Variants in KLHL29 observed in about 807,000 individuals in gnomAD.
KLHL29 encodes kelch like family member 29.
In KLHL29, 21 loss-of-function variants were observed where a neutral mutation model predicts 80.4. The ratio of observed to expected loss-of-function variants is 0.26; its 90% CI spans 0.19 to 0.38. KLHL29 has a LOEUF of 0.38. Ranked by LOEUF, KLHL29 falls within the 10% of genes least tolerant of loss-of-function variation. The pLI, the probability that KLHL29 is intolerant of heterozygous loss-of-function variation, is 1.00. For synonymous variants in KLHL29, 511 were observed against 526.8 expected (o/e 0.97, Z 0.41); for missense variants, 867 against 1,223.9 (o/e 0.71, Z 4.35).
intron 5 of KLHL29, among the ~76,000 whole-genome samples, chr2:23,651,145 A>G (rs1670077241): frequency 6.6e-6 from 1 of 152,230 alleles, no homozygotes; most frequent in African/African-American, 2.4e-5. Flanking sequence ...GTCGCCATCC[A>G]TTGAAATCGT....
chr2:23,494,618 T>C (rs1282884709), intron 2 of KLHL29, among the ~76,000 whole-genome samples: 1 of 152,138 alleles, frequency 6.6e-6, no homozygotes, highest in Admixed American at 6.5e-5. Flanking sequence ...TGCCGAAGCC[T>C]CTCTGGAGAG....
At chr2:23,706,334 G>A in intron 13 of KLHL29, 147 bp from the exon 14 acceptor site, 2 of 569,638 alleles carry the variant, frequency 3.5e-6, no homozygotes, top group Admixed American at 4.2e-5. Context: ...GCCAGCCCAG[G>A]TTAGAGGGCA....
At chr2:23,500,041 A>G (rs144049223) in intron 2 of KLHL29, among the ~76,000 whole-genome samples, 1 of 152,288 alleles carries the variant, frequency 6.6e-6, no homozygotes, top group East Asian at 1.9e-4. Context: ...ATTGGTACCA[A>G]CTGTACAGCA....
At chr2:23,621,614 A>G (rs958532923) in intron 3 of KLHL29, among the ~76,000 whole-genome samples, 2 of 152,144 alleles carry the variant, frequency 1.3e-5, no homozygotes, top group African/African-American at 4.8e-5. Flanking sequence ...CCCCCCAGAC[A>G]GGAAATGCAG....
intron 1 of KLHL29, among the ~76,000 whole-genome samples, chr2:23,388,032 T>C (rs1050222448): frequency 6.6e-6 from 1 of 152,184 alleles, no homozygotes; most frequent in African/African-American, 2.4e-5. Flanking sequence ...CCAAACGAAA[T>C]ACCTAGAGTT....
chr2:23,596,944 C>T lies in KLHL29; in HGVS notation c.285+34463C>T, dbSNP rs1668407671. 6.6e-6 allele frequency among the ~76,000 whole-genome samples: 1 copy of T among 152,106 alleles called. No homozygotes were observed. Among genetic ancestry groups the T allele is most frequent in the African/African-American group, 2.4e-5 (1 of 41,432 alleles). ...GGGGATACAGGAAAGCTCAGGGCTGCGTTTAGAATCAAATAGAGCTAATGG... is the reference window on the plus strand; with the variant it reads ...GGGGATACAGGAAAGCTCAGGGCTGTGTTTAGAATCAAATAGAGCTAATGG... On this transcript the variant is annotated intron_variant, in intron 3 of 13. Transcript: ENST00000486442. The surrounding 1 kb of genome is among the most constrained non-coding windows in gnomAD (Gnocchi z 4.4).
At chr2:23,677,469 CT>C (rs1479499245) in intron 5 of KLHL29, among the ~76,000 whole-genome samples, 4 of 152,350 alleles carry the variant, frequency 2.6e-5, no homozygotes, top group African/African-American at 9.6e-5. Flanking sequence ...GAGGGTTTGC[CT>C]GCATAGGGCC....
At chr2:23,474,828 T>C (rs1418460926) in intron 1 of KLHL29, among the ~76,000 whole-genome samples, 1 of 152,150 alleles carries the variant, frequency 6.6e-6, no homozygotes, top group Non-Finnish European at 1.5e-5. Context: ...TAATGATATA[T>C]TTGGTTTAAA....
At chr2:23,698,908 G>A (rs1572526693) in intron 11 of KLHL29, among the ~76,000 whole-genome samples, 1 of 152,306 alleles carries the variant, frequency 6.6e-6, no homozygotes, top group South Asian at 2.1e-4. Flanking sequence ...AAAGACTGAG[G>A]ACTAACAGCC....
At chr2:23,638,498 G>A (rs1669678969) in intron 3 of KLHL29, among the ~76,000 whole-genome samples, 1 of 152,178 alleles carries the variant, frequency 6.6e-6, no homozygotes, top group East Asian at 1.9e-4. Context: ...AGGAGCTGAG[G>A]GTCCCACCAT....
chr2:23,543,956 G>A (rs1466055098), intron 2 of KLHL29, among the ~76,000 whole-genome samples: 1 of 152,196 alleles, frequency 6.6e-6, no homozygotes, highest in Non-Finnish European at 1.5e-5. Context: ...AGGGCTCTGG[G>A]TCGGGGCTTG....
rs191014771 is a variant in KLHL29, at chr2:23,450,074, G to C, written c.-153-25486G>C. 4.6e-4 allele frequency among the ~76,000 whole-genome samples: 70 copies of C among 152,244 alleles called. 1 individual carries two copies. The highest frequency in any genetic ancestry group is 1.6e-3 in the African/African-American group (68 of 41,544). On this transcript the variant is annotated intron_variant, in intron 1 of 13. Coordinates refer to ENST00000486442, the MANE Select transcript of KLHL29 (RefSeq NM_052920.2). The stretch of plus-strand genomic sequence containing the variant: ...GACATCTCAAGCGGCAAGCTCGATC[G>C]CCAATTAAAAAGCTCATGTCCTCAA...
intron 2 of KLHL29, among the ~76,000 whole-genome samples, chr2:23,505,591 C>T (rs959592388): frequency 2.0e-5 from 3 of 152,250 alleles, no homozygotes; most frequent in Admixed American, 1.3e-4. Flanking sequence ...TCCCAACAGC[C>T]TCTCAAAGCC....
chr2:23,615,074 C>T (rs1199949392), intron 3 of KLHL29, among the ~76,000 whole-genome samples: 7 of 152,192 alleles, frequency 4.6e-5, no homozygotes, highest in African/African-American at 1.7e-4. Flanking sequence ...CACAGCTCGG[C>T]GCTTCTTCCA....
rs368380511 is a variant in KLHL29, at chr2:23,642,453, G to A, written c.543G>A (p.Pro181=). ...GCCCGGCTGTGAACGTCCAGGCCCC[G>A]GTCATTGGGGTGACCCCCTCACTGC... is the stretch of plus-strand genomic sequence containing the variant. ...TFSPAVNVQA[P]VIGVTPSLPP... Residue 181 remains proline (P), a synonymous_variant, in exon 5 of 14, where the codon CCG becomes CCA. Coordinates refer to ENST00000486442, the MANE Select transcript of KLHL29 (RefSeq NM_052920.2). 104 of 1,506,974 alleles carry A rather than the reference G, an allele frequency of 6.9e-5. 2 individuals are homozygous for A. The South Asian group carries it at 1.0e-3, about 15-fold the overall frequency. The allele number at this position is 1,506,974 out of a possible 1,614,324, so 93.4% of individuals were successfully genotyped here. A position where few individuals can be genotyped will look rare whatever the true frequency, so the allele number is the denominator to read the frequency against.
In KLHL29 at chr2:23,424,186, G is replaced by A. The variant is rs139958674; in HGVS notation, c.-154+38406G>A. ...CTTACTGCTATCAAAGGTGGGAAAT[G>A]CATCAGATTTAAATTACCTATTGTA... On this transcript the variant is annotated intron_variant, in intron 1 of 13. Transcript: ENST00000486442. 3.5e-3 allele frequency among the ~76,000 whole-genome samples: 540 copies of A among 152,318 alleles called. 4 individuals carry two copies. The highest frequency in any genetic ancestry group is 0.013 in the African/African-American group (521 of 41,564).
chr2:23,679,775 G>A (rs1404310123), intron 5 of KLHL29, among the ~76,000 whole-genome samples: 1 of 152,202 alleles, frequency 6.6e-6, no homozygotes, highest in Non-Finnish European at 1.5e-5. Flanking sequence ...GAGGAGGGCA[G>A]AGGGCAGAGG....
At position 23,501,638 on chromosome 2, in the gene KLHL29, G is replaced by A. The variant is rs190625986; in HGVS notation, c.-46+25971G>A. On this transcript the variant is annotated intron_variant, in intron 2 of 13. Coordinates refer to ENST00000486442, the MANE Select transcript of KLHL29 (RefSeq NM_052920.2). ...CCTTCAAACTAGTAAAACTAAAAAC[G>A]TTTCTGATTTTTAACTGTTACTGTT... Among the ~76,000 whole-genome samples the A allele has an allele frequency of 5.9e-5, 9 of 152,256 alleles. No individual in the cohort carries two copies. The East Asian group carries it at 7.7e-4, about 13-fold the overall frequency.
intron 8 of KLHL29, among the ~76,000 whole-genome samples, chr2:23,694,331 C>CA (rs2149209688): frequency 6.6e-6 from 1 of 152,356 alleles, no homozygotes; most frequent in East Asian, 1.9e-4. Flanking sequence ...TGCCTCCTTC[C>CA]TCCCCTTTAA....
Sources: gnomAD v4.1 joint callset for allele counts (sites outside exome capture counted in the v4.1 genomes callset) on GRCh38, gnomAD v4.1.1 for gene constraint, Gnocchi (gnomAD v3.1) non-coding constraint, MANE v1.5 for transcripts, NCBI Gene and HGNC (gene_info 2026-07-23, HGNC 2026-07-21) for gene names.